EPHA4: variants seen among roughly 807,000 people sequenced by gnomAD.
The protein encoded by EPHA4 is EPH receptor A4, also known as ephrin type-A receptor 4.
EPHA4 carries 19 observed loss-of-function variants against 108.3 expected under a neutral mutation model. The observed-to-expected ratio is 0.18, with a 90% CI of 0.12 to 0.26. The LOEUF (loss-of-function observed/expected upper bound fraction) is 0.26, where lower values mean the gene tolerates loss of function less well. Among genes scored for constraint, EPHA4 ranks in the 10% least tolerant of loss-of-function variants. EPHA4 has a pLI of 1.00. For synonymous variants in EPHA4, 449 were observed against 455.5 expected (o/e 0.99, Z 0.18); for missense variants, 917 against 1,254.0 (o/e 0.73, Z 4.06).
intron 3 of EPHA4, among the ~76,000 whole-genome samples, chr2:221,558,346 T>C (rs1009930918): frequency 6.6e-6 from 1 of 152,012 alleles, no homozygotes; most frequent in African/African-American, 2.4e-5. Flanking sequence ...AGACTTACAA[T>C]TTTTACTTTA....
At chr2:221,569,681 G>A (rs1292722557) in intron 1 of EPHA4, among the ~76,000 whole-genome samples, 1 of 151,834 alleles carries the variant, frequency 6.6e-6, no homozygotes, top group African/African-American at 2.4e-5. Flanking sequence ...CCTGGGGGTC[G>A]AAAGGCCCAC....
intron 3 of EPHA4, among the ~76,000 whole-genome samples, chr2:221,552,385 T>C (rs1051944665): frequency 3.3e-5 from 5 of 152,164 alleles, no homozygotes; most frequent in African/African-American, 9.7e-5. Flanking sequence ...CATTTTCAAA[T>C]GGCCAGCGGA....
chr2:221,441,131 A>G (rs966693200), intron 11 of EPHA4, among the ~76,000 whole-genome samples: 1 of 150,866 alleles, frequency 6.6e-6, no homozygotes, highest in African/African-American at 2.4e-5. Context: ...CTTCCTAAAG[A>G]TTTTGTACTT....
intron 2 of EPHA4, among the ~76,000 whole-genome samples, chr2:221,566,458 G>GA (rs1214846377): frequency 6.6e-6 from 1 of 151,950 alleles, no homozygotes; most frequent in Admixed American, 6.6e-5. Context: ...CTCTAATCCT[G>GA]AAAAAGTCCT....
chr2:221,558,360 AATTCTATATGAGAAAT>A (rs1199494504), intron 3 of EPHA4, among the ~76,000 whole-genome samples: 1 of 151,930 alleles, frequency 6.6e-6, no homozygotes, highest in Non-Finnish European at 1.5e-5. Context: ...TACTTTATGT[AATTCTATATGAGAAAT>A]TTATCTGACA....
rs1689722591 is a variant in EPHA4 at position 221,420,377 on chromosome 2, C to CA, written c.*994dup. 1 of 152,672 alleles carries CA rather than the reference C, an allele frequency of 6.5e-6. No individual in the cohort carries two copies. The highest frequency in any genetic ancestry group is 6.5e-5 in the Admixed American group (1 of 15,286). The allele number at this position is 152,672 out of a possible 1,614,324, so 9.5% of individuals were successfully genotyped here. ...TGCGAAAGGGGATTTGAAAGTCACA[C>CA]ATTTATTCTTTTCAGGTATGGGTGT... On this transcript the variant is annotated 3_prime_UTR_variant, in exon 18 of 18. Transcript: ENST00000281821.
At chr2:221,485,760 C>T (rs1169602513) in intron 4 of EPHA4, among the ~76,000 whole-genome samples, 2 of 152,062 alleles carry the variant, frequency 1.3e-5, no homozygotes, top group Non-Finnish European at 2.9e-5. Flanking sequence ...GGGCCCATCT[C>T]CTCTTTAGGA....
chr2:221,550,509 AT>A (rs1646912918), intron 3 of EPHA4, among the ~76,000 whole-genome samples: 1 of 152,150 alleles, frequency 6.6e-6, no homozygotes, highest in South Asian at 2.1e-4. Flanking sequence ...AACAATAAAA[AT>A]TGTGACACTT....
intron 3 of EPHA4, among the ~76,000 whole-genome samples, chr2:221,512,953 C>T (rs1286862251): frequency 6.6e-6 from 1 of 152,164 alleles, no homozygotes; most frequent in Non-Finnish European, 1.5e-5. Flanking sequence ...TTGAGACTTT[C>T]CTGGGGACCT....
intron 4 of EPHA4, among the ~76,000 whole-genome samples, chr2:221,483,193 C>T (rs1691882861): frequency 6.6e-6 from 1 of 152,140 alleles, no homozygotes; most frequent in Admixed American, 6.5e-5. Context: ...TTCAACATGG[C>T]AGCGGAGGGT....
At chr2:221,467,267 A>T (rs988574915) in intron 5 of EPHA4, among the ~76,000 whole-genome samples, 1 of 152,236 alleles carries the variant, frequency 6.6e-6, no homozygotes, top group Admixed American at 6.5e-5. Context: ...TGACGGTCAC[A>T]TAGGTGTTTA....
intron 3 of EPHA4, among the ~76,000 whole-genome samples, chr2:221,525,840 A>G (rs10932917): frequency 0.72 from 110,184 of 152,056 alleles, 40,701 homozygotes; most frequent in African/African-American, 0.88. Context: ...AGGGTCTACC[A>G]AGTACTTTTA....
At chr2:221,433,149 A>T (rs538478055) in intron 14 of EPHA4, among the ~76,000 whole-genome samples, 31 of 152,274 alleles carry the variant, frequency 2.0e-4, no homozygotes, top group African/African-American at 7.5e-4. Flanking sequence ...TTAATTGATA[A>T]GGCAACCTGC....
intron 17 of EPHA4, among the ~76,000 whole-genome samples, chr2:221,421,404 A>C (rs1689758629): frequency 1.3e-5 from 2 of 152,232 alleles, no homozygotes; most frequent in African/African-American, 4.8e-5. Context: ...GAAGTATCTA[A>C]TCTAACATGG....
intron 5 of EPHA4, among the ~76,000 whole-genome samples, chr2:221,475,186 A>G (rs2106134505): frequency 6.6e-6 from 1 of 152,248 alleles, no homozygotes. Flanking sequence ...AGAATTATTT[A>G]AAAAGAAAAT....
At chr2:221,434,334 T>A in intron 13 of EPHA4, 43 bp from the exon 14 acceptor site, 1 of 1,594,444 alleles carries the variant, frequency 6.3e-7, no homozygotes, top group South Asian at 1.1e-5. Flanking sequence ...AGTACATCAC[T>A]GATGTGCCAT....
chr2:221,463,444 G>C (rs922678741), intron 5 of EPHA4, among the ~76,000 whole-genome samples: 1 of 152,158 alleles, frequency 6.6e-6, no homozygotes, highest in Admixed American at 6.6e-5. Flanking sequence ...TTTGGTTTGA[G>C]AGCAGACCAC....
chr2:221,532,147 G>C (rs1285675188), intron 3 of EPHA4, among the ~76,000 whole-genome samples: 1 of 151,580 alleles, frequency 6.6e-6, no homozygotes, highest in African/African-American at 2.4e-5. Context: ...TTTTGAGACA[G>C]GGTCTCACTC....
intron 3 of EPHA4, among the ~76,000 whole-genome samples, chr2:221,518,792 T>C (rs1406367275): frequency 6.6e-6 from 1 of 152,092 alleles, no homozygotes; most frequent in Non-Finnish European, 1.5e-5. Context: ...AACAGCACAA[T>C]CCTAACACGG....
Sources: gnomAD v4.1 joint callset for allele counts (sites outside exome capture counted in the v4.1 genomes callset) on GRCh38, gnomAD v4.1.1 for gene constraint, MANE v1.5 for transcripts, NCBI Gene and HGNC (gene_info 2026-07-23, HGNC 2026-07-21) for gene names.